The following RALGPS2 variants were observed in gnomAD, a reference collection of about 807,000 sequenced individuals.
RALGPS2 encodes ras-specific guanine nucleotide-releasing factor RalGPS2.
Under a neutral mutation model 86.8 loss-of-function variants are expected in RALGPS2, and 43 were observed. The observed-to-expected ratio is 0.50, with a 90% CI of 0.39 to 0.64. The LOEUF (loss-of-function observed/expected upper bound fraction) is 0.64, where lower values mean the gene tolerates loss of function less well. RALGPS2 is among the 30% of genes least tolerant of loss of function. The pLI is 0.00. For missense variants in RALGPS2, 536 were observed against 694.6 expected (o/e 0.77, Z 2.57); for synonymous variants, 243 against 231.3 (o/e 1.05, Z -0.46).
chr1:178,801,232 A>G lies in RALGPS2; in HGVS notation c.214-6813A>G, dbSNP rs996310953. ...TGAGCCACTATGCCCAGCCTTCCCA[A>G]TCTTCTTTATGTGCATATGTGGGTC... On this transcript the variant is annotated intron_variant, in intron 4 of 19. Transcript: ENST00000367635. Among the ~76,000 whole-genome samples, 15 of 151,986 alleles carry G rather than the reference A, an allele frequency of 9.9e-5. No homozygotes were observed. The South Asian group carries it at 1.2e-3, about 13-fold the overall frequency.
intron 4 of RALGPS2, 50 bp from the exon 5 acceptor site, chr1:178,807,995 G>A: frequency 8.3e-7 from 1 of 1,208,812 alleles, no homozygotes. Context: ...TAATCTGGCA[G>A]AAAAAAACTA....
chr1:178,825,991 T>TA (rs1655726031), intron 7 of RALGPS2, among the ~76,000 whole-genome samples: 2 of 152,186 alleles, frequency 1.3e-5, no homozygotes, highest in Admixed American at 1.3e-4. Context: ...AGGCATATGT[T>TA]ACAAGGTTTA....
intron 1 of RALGPS2, among the ~76,000 whole-genome samples, chr1:178,762,384 G>A (rs1236207107): frequency 1.3e-5 from 2 of 152,206 alleles, no homozygotes; most frequent in African/African-American, 4.8e-5. Flanking sequence ...TAGTGGGATT[G>A]TGGGTTGAAT....
intron 9 of RALGPS2, among the ~76,000 whole-genome samples, chr1:178,878,579 A>G (rs1247324091): frequency 1.3e-5 from 2 of 152,156 alleles, no homozygotes; most frequent in African/African-American, 4.8e-5. Flanking sequence ...AGGTTTCTTT[A>G]AAAGAAAAGT....
At chr1:178,814,673 C>T (rs1655144254) in intron 6 of RALGPS2, among the ~76,000 whole-genome samples, 1 of 152,016 alleles carries the variant, frequency 6.6e-6, no homozygotes, top group African/African-American at 2.4e-5. Flanking sequence ...TGGTCTTGAA[C>T]TCCTGTGCTC....
intron 1 of RALGPS2, among the ~76,000 whole-genome samples, chr1:178,727,953 C>T (rs568043067): frequency 1.3e-5 from 2 of 152,108 alleles, no homozygotes; most frequent in East Asian, 3.9e-4. Context: ...TTGTTTTTTT[C>T]TTTCTGAGAA....
chr1:178,763,908 G>A (rs988036239), intron 1 of RALGPS2, among the ~76,000 whole-genome samples: 3 of 151,516 alleles, frequency 2.0e-5, no homozygotes, highest in Non-Finnish European at 2.9e-5. Flanking sequence ...ATTGTTTTAT[G>A]TCCGATTGTG....
intron 19 of RALGPS2, among the ~76,000 whole-genome samples, chr1:178,915,629 T>A (rs10913641): frequency 0.081 from 12,271 of 152,306 alleles, 520 homozygotes; most frequent in African/African-American, 0.1. Flanking sequence ...TATGAGTACA[T>A]TGGCCAACAT....
intron 6 of RALGPS2, among the ~76,000 whole-genome samples, chr1:178,816,286 G>A (rs1655225165): frequency 1.3e-5 from 2 of 151,896 alleles, no homozygotes; most frequent in African/African-American, 4.8e-5. Context: ...TTTTGGGTGT[G>A]TAATAGTATC....
intron 13 of RALGPS2, among the ~76,000 whole-genome samples, chr1:178,887,254 A>G (rs1659530036): frequency 6.6e-6 from 1 of 152,160 alleles, no homozygotes; most frequent in African/African-American, 2.4e-5. Flanking sequence ...GGAGTTCAAA[A>G]TGAGCCTGGC....
At chr1:178,788,829 TTTTCTTTC>T (rs200410341) in intron 4 of RALGPS2, among the ~76,000 whole-genome samples, 13 of 141,510 alleles carry the variant, frequency 9.2e-5, no homozygotes, top group African/African-American at 3.3e-4. Context: ...TTTTCTTTTG[TTTTCTTTC>T]TTTCTTTCTT....
At chr1:178,909,528 A>G (rs565629191) in intron 19 of RALGPS2, among the ~76,000 whole-genome samples, 2 of 151,850 alleles carry the variant, frequency 1.3e-5, no homozygotes, top group South Asian at 2.1e-4. Context: ...TTTGGACAAT[A>G]TGGACATTTA....
At chr1:178,751,187 A>G (rs1651633992) in intron 1 of RALGPS2, among the ~76,000 whole-genome samples, 1 of 152,000 alleles carries the variant, frequency 6.6e-6, no homozygotes, top group African/African-American at 2.4e-5. Flanking sequence ...AAGAACCAAC[A>G]TTCCTCCGTT....
chr1:178,920,750 G>A lies in RALGPS2; in HGVS notation c.*4391G>A, dbSNP rs1394312275. 1 of 151,916 alleles carries A rather than the reference G, an allele frequency of 6.6e-6. No homozygotes were observed. The highest frequency in any genetic ancestry group is 1.5e-5 in the Non-Finnish European group (1 of 67,870). The allele number at this position is 151,916 out of a possible 1,614,324, so 9.4% of individuals were successfully genotyped here. Reference sequence around the variant, plus strand: ...TTTAATTGTAAGGCCTTTTGGAAAAGCCCTAAAAGAATAAGATACAACCAG... The same window carrying A: ...TTTAATTGTAAGGCCTTTTGGAAAAACCCTAAAAGAATAAGATACAACCAG... On this transcript the variant is annotated 3_prime_UTR_variant, in exon 20 of 20. Transcript: ENST00000367635.
rs535690342 is a variant in RALGPS2, at chr1:178,874,810, A to G, written c.608-2688A>G. Among the ~76,000 whole-genome samples, 57 of 152,246 alleles carry G rather than the reference A, an allele frequency of 3.7e-4. 1 individual carries two copies. The South Asian group carries it at 0.011, about 29-fold the overall frequency. Reference sequence around the variant, plus strand: ...TGTGTTGATAATTTTTTCTTAGGGCAGGAGTCTCACCATGTTGCCCAGACT... The same window carrying G: ...TGTGTTGATAATTTTTTCTTAGGGCGGGAGTCTCACCATGTTGCCCAGACT... On this transcript the variant is annotated intron_variant, in intron 8 of 19. Coordinates refer to ENST00000367635, the MANE Select transcript of RALGPS2 (RefSeq NM_152663.5).
intron 1 of RALGPS2, among the ~76,000 whole-genome samples, chr1:178,766,766 C>T (rs1400566076): frequency 6.6e-6 from 1 of 152,170 alleles, no homozygotes; most frequent in East Asian, 1.9e-4. Context: ...GGGTTCTCTG[C>T]ATTTCCTGAA....
intron 1 of RALGPS2, among the ~76,000 whole-genome samples, chr1:178,756,116 G>A (rs1265734144): frequency 6.6e-6 from 1 of 152,072 alleles, no homozygotes; most frequent in African/African-American, 2.4e-5. Flanking sequence ...CATTCTATAG[G>A]TTGTCTGTTG....
intron 8 of RALGPS2, among the ~76,000 whole-genome samples, chr1:178,860,426 A>G (rs937180238): frequency 6.6e-6 from 1 of 152,202 alleles, no homozygotes; most frequent in Non-Finnish European, 1.5e-5. Context: ...AAAGATTGTC[A>G]TAACATCTTT....
At chr1:178,808,190 T>C in intron 5 of RALGPS2, 62 bp downstream of exon 5, 1 of 1,149,872 alleles carries the variant, frequency 8.7e-7, no homozygotes, top group Admixed American at 2.0e-5. Flanking sequence ...ACTTTTTCCT[T>C]AAGAAATAAT....
Sources: allele counts gnomAD v4.1 joint callset (sites outside exome capture counted in the v4.1 genomes callset), GRCh38; gene constraint gnomAD v4.1.1; transcripts MANE v1.5; gene names NCBI Gene and HGNC (gene_info 2026-07-23, HGNC 2026-07-21).